Variants in EPHA5 observed in about 807,000 individuals in gnomAD.
EPHA5 encodes the protein ephrin type-A receptor 5.
EPHA5 carries 60 observed loss-of-function variants against 105.0 expected under a neutral mutation model. The ratio of observed to expected loss-of-function variants is 0.57; its 90% confidence interval spans 0.46 to 0.71. The LOEUF is 0.71. Among genes scored for constraint, EPHA5 ranks in the 30% least tolerant of loss-of-function variants. EPHA5 has a pLI of 0.00. For synonymous variants in EPHA5, 513 were observed against 449.1 expected (o/e 1.14, Z -1.80); for missense variants, 1,218 against 1,274.7 (o/e 0.96, Z 0.68).
At position 65,321,162 on chromosome 4, in the gene EPHA5, T is replaced by G. The variant is rs76925001; in HGVS notation, c.*2952A>C. 37 of 230,766 alleles carry G rather than the reference T, an allele frequency of 1.6e-4. No individual in the cohort carries two copies. Among genetic ancestry groups the G allele is most frequent in the African/African-American group, 7.9e-4 (36 of 45,296 alleles). The allele number at this position is 230,766 out of a possible 1,614,324, so 14.3% of individuals were successfully genotyped here. Reference sequence around the variant, plus strand: ...GTACCAATTTTTCAAAGTCCAATACTGTGAAAGACTCATGCCCCTTAAGAT... The same window carrying G: ...GTACCAATTTTTCAAAGTCCAATACGGTGAAAGACTCATGCCCCTTAAGAT... On this transcript the variant is annotated 3_prime_UTR_variant, in exon 17 of 17. Transcript: ENST00000613740.
In EPHA5 at chr4:65,364,750, A is replaced by G. The variant is rs577015901; in HGVS notation, c.2173+267T>C. 4.0e-5 allele frequency among the ~76,000 whole-genome samples: 6 copies of G among 151,648 alleles called. No homozygotes were observed. In the East Asian group the frequency reaches 1.2e-3, roughly 29 times the overall value. On this transcript the variant is annotated intron_variant, in intron 11 of 16. Transcript: ENST00000613740. The stretch of plus-strand genomic sequence containing the variant: ...GCCAATAGTTAAAAAAAAAGTTGAT[A>G]TATTTACTGCTTCTTTTATCTGGAT...
At chr4:65,367,232 C>CT (rs1282063689) in intron 9 of EPHA5, 125 bp downstream of exon 9, 156 of 813,212 alleles carry the variant, frequency 1.9e-4, no homozygotes, top group African/African-American at 1.7e-3. Context: ...AAATAGAACA[C>CT]TTTTAAAAAA....
intron 5 of EPHA5, among the ~76,000 whole-genome samples, chr4:65,460,009 C>A (rs28533353): frequency 6.6e-6 from 1 of 151,284 alleles, no homozygotes; most frequent in African/African-American, 2.4e-5. Context: ...AATAATCTAC[C>A]CTTAATATTA....
rs1355277459 is a variant in EPHA5, at chr4:65,443,932, T to TGCAGGTGTGCACGC, written c.1403-23368_1403-23367insGCGTGCACACCTGC. 2.6e-3 allele frequency among the ~76,000 whole-genome samples: 391 copies of TGCAGGTGTGCACGC among 151,726 alleles called. 1 individual carries two copies. Among genetic ancestry groups the TGCAGGTGTGCACGC allele is most frequent in the African/African-American group, 8.5e-3 (352 of 41,304 alleles). On this transcript the variant is annotated intron_variant, in intron 5 of 16. Coordinates refer to ENST00000613740, the MANE Select transcript of EPHA5 (RefSeq NM_001281766.3). ...GTGTGTGTGTGTGTGTGTGTGTGCG[T>TGCAGGTGTGCACGC]GCACGTGTGCACGCGCACATGCGCA... is the stretch of plus-strand genomic sequence containing the variant.
chr4:65,637,694 A>C (rs1214706507), intron 2 of EPHA5, among the ~76,000 whole-genome samples: 2 of 151,004 alleles, frequency 1.3e-5, no homozygotes, highest in Non-Finnish European at 3.0e-5. Flanking sequence ...ATATTTACTG[A>C]CTGCCAACAC....
At chr4:65,419,173 C>T (rs1006401559) in intron 6 of EPHA5, among the ~76,000 whole-genome samples, 1 of 151,848 alleles carries the variant, frequency 6.6e-6, no homozygotes, top group Non-Finnish European at 1.5e-5. Context: ...CATGAGCCAC[C>T]GCACCCGGCC....
intron 2 of EPHA5, among the ~76,000 whole-genome samples, chr4:65,628,954 T>A (rs1375728178): frequency 2.0e-5 from 3 of 152,088 alleles, no homozygotes; most frequent in African/African-American, 7.2e-5. Context: ...ATATGAAGGA[T>A]TAAGTTCGAT....
intron 3 of EPHA5, among the ~76,000 whole-genome samples, chr4:65,521,282 C>A (rs577254803): frequency 6.6e-6 from 1 of 152,102 alleles, no homozygotes; most frequent in African/African-American, 2.4e-5. Context: ...GGACAAAAAA[C>A]CAAACACAGC....
intron 8 of EPHA5, among the ~76,000 whole-genome samples, chr4:65,402,704 T>C (rs1440258850): frequency 3.3e-5 from 5 of 152,088 alleles, no homozygotes; most frequent in Non-Finnish European, 5.9e-5. Flanking sequence ...AGGAAATCAC[T>C]AACTCTTATC....
At chr4:65,458,283 T>C (rs1326406116) in intron 5 of EPHA5, among the ~76,000 whole-genome samples, 1 of 152,110 alleles carries the variant, frequency 6.6e-6, no homozygotes, top group Non-Finnish European at 1.5e-5. Flanking sequence ...TTAAATGAAA[T>C]ATTTATATTC....
In EPHA5 at chr4:65,365,857, A is replaced by G. The variant is rs1458211366; in HGVS notation, c.1987+75T>C. 5 of 1,408,716 alleles carry G rather than the reference A, an allele frequency of 3.5e-6. No homozygotes were observed. In the East Asian group the frequency reaches 1.2e-4, roughly 33 times the overall value. 87.3% of individuals were successfully genotyped at this position (1,408,716 alleles called of 1,614,324 possible). On this transcript the variant is annotated intron_variant, in intron 10 of 16. Coordinates refer to ENST00000613740, the MANE Select transcript of EPHA5 (RefSeq NM_001281766.3). ...GAAAAGATTAAAAACATTCTCTGTT[A>G]CATCAGGACACTGGTATATTACATT...
chr4:65,489,916 T>C (rs1049590698), intron 5 of EPHA5, among the ~76,000 whole-genome samples: 2 of 152,082 alleles, frequency 1.3e-5, no homozygotes, highest in African/African-American at 4.8e-5. Flanking sequence ...GTTGAAAAAA[T>C]ATGAAAAGAT....
At position 65,657,672 on chromosome 4, in the gene EPHA5, G is replaced by A. The variant is rs541077843; in HGVS notation, c.181+11890C>T. 3.9e-5 allele frequency among the ~76,000 whole-genome samples: 6 copies of A among 152,212 alleles called. No individual in the cohort carries two copies. In the East Asian group the frequency reaches 1.2e-3, roughly 29 times the overall value. Reference sequence around the variant, plus strand: ...GTTATGGATTTATGAAAAGAGCTATGTTGGCTTCACCAGCAATACAGTAAT... The same window carrying A: ...GTTATGGATTTATGAAAAGAGCTATATTGGCTTCACCAGCAATACAGTAAT... On this transcript the variant is annotated intron_variant, in intron 1 of 16. Coordinates refer to ENST00000613740, the MANE Select transcript of EPHA5 (RefSeq NM_001281766.3).
chr4:65,364,885 A>C, intron 11 of EPHA5, 132 bp downstream of exon 11: 1 of 633,620 alleles, frequency 1.6e-6, no homozygotes, highest in South Asian at 5.9e-5. Flanking sequence ...AATCTACTAA[A>C]ATACAGGATA....
intron 13 of EPHA5, among the ~76,000 whole-genome samples, chr4:65,348,775 GTGCA>G (rs1722508892): frequency 7.5e-5 from 8 of 105,986 alleles, no homozygotes; most frequent in Admixed American, 1.2e-4. Context: ...ATATATGTGT[GTGCA>G]TGTGTGTGTG....
chr4:65,409,743 T>C (rs532073659), intron 7 of EPHA5, among the ~76,000 whole-genome samples: 1 of 152,326 alleles, frequency 6.6e-6, no homozygotes, highest in East Asian at 1.9e-4. Context: ...TAATAAGTAA[T>C]GTAAGTATGT....
intron 3 of EPHA5, among the ~76,000 whole-genome samples, chr4:65,517,310 G>A (rs991678688): frequency 1.2e-4 from 18 of 151,146 alleles, no homozygotes; most frequent in African/African-American, 4.4e-4. Context: ...CTTCCTTTTT[G>A]CTTGGTATGT....
At chr4:65,352,639 C>T (rs1332314193) in intron 12 of EPHA5, among the ~76,000 whole-genome samples, 2 of 151,876 alleles carry the variant, frequency 1.3e-5, no homozygotes, top group African/African-American at 2.4e-5. Flanking sequence ...TAATGACTTG[C>T]CTGGGCTATT....
intron 3 of EPHA5, among the ~76,000 whole-genome samples, chr4:65,555,097 T>C (rs1480601287): frequency 6.6e-6 from 1 of 151,698 alleles, no homozygotes; most frequent in Non-Finnish European, 1.5e-5. Flanking sequence ...TCAACATGAA[T>C]TCATTTCCAC....
Sources: gnomAD v4.1 joint callset for allele counts (sites outside exome capture counted in the v4.1 genomes callset) on GRCh38, gnomAD v4.1.1 for gene constraint, MANE v1.5 for transcripts, NCBI Gene and HGNC (gene_info 2026-07-23, HGNC 2026-07-21) for gene names.